The following KAZN variants were observed in gnomAD, a reference collection of about 807,000 sequenced individuals.
KAZN encodes the protein kazrin, periplakin interacting protein, also known as kazrin.
KAZN carries 40 observed loss-of-function variants against 87.4 expected under a neutral mutation model. That is an observed-to-expected ratio of 0.46 (90% CI 0.36 to 0.60). KAZN has a LOEUF of 0.60. Ranked by LOEUF, KAZN falls within the 20% of genes least tolerant of loss-of-function variation. KAZN has a pLI of 0.00. For missense variants in KAZN, 898 were observed against 1,073.9 expected (o/e 0.84, Z 2.29); for synonymous variants, 466 against 458.3 (o/e 1.02, Z -0.22).
intron 1 of KAZN, among the ~76,000 whole-genome samples, chr1:14,821,661 G>A (rs1164273105): frequency 6.6e-6 from 1 of 152,158 alleles, no homozygotes; most frequent in Admixed American, 6.5e-5. Context: ...GGAGAAGACA[G>A]CCGTCTACAA....
chr1:14,548,343 C>T (rs1004712984), intron 2 of KAZN, among the ~76,000 whole-genome samples: 2 of 151,824 alleles, frequency 1.3e-5, no homozygotes, highest in Non-Finnish European at 2.9e-5. Flanking sequence ...GGACTACAGG[C>T]GCCCACCACC....
At chr1:14,974,920 G>T (rs1665444215) in intron 2 of KAZN, among the ~76,000 whole-genome samples, 1 of 152,240 alleles carries the variant, frequency 6.6e-6, no homozygotes, top group Admixed American at 6.5e-5. Context: ...AATATGTACA[G>T]TTCATTGTAT....
chr1:15,041,331 CTTTTTTT>C (rs71000360), intron 3 of KAZN, among the ~76,000 whole-genome samples: 1 of 114,136 alleles, frequency 8.8e-6, no homozygotes, highest in African/African-American at 3.5e-5. Flanking sequence ...CATTTTTTTT[CTTTTTTT>C]TTTTTTTTGT....
intron 1 of KAZN, among the ~76,000 whole-genome samples, chr1:14,015,447 G>A: frequency 1.0e-5 from 1 of 98,202 alleles, no homozygotes; most frequent in East Asian, 3.8e-4. Flanking sequence ...AAAGACAAGT[G>A]TGTTACATCT....
intron 1 of KAZN, among the ~76,000 whole-genome samples, chr1:14,924,867 G>T (rs1658997493): frequency 6.6e-6 from 1 of 152,132 alleles, no homozygotes; most frequent in South Asian, 2.1e-4. Context: ...GCTGGACCCC[G>T]CGTCTGCTGG....
At chr1:14,548,035 TAAA>T (rs35205953) in intron 2 of KAZN, among the ~76,000 whole-genome samples, 3 of 124,332 alleles carry the variant, frequency 2.4e-5, no homozygotes, top group Admixed American at 1.7e-4. Context: ...GGTGATGAGC[TAAA>T]AAAAAAAAAA....
At chr1:14,175,265 G>T (rs886442421) in intron 1 of KAZN, among the ~76,000 whole-genome samples, 6 of 152,158 alleles carry the variant, frequency 3.9e-5, no homozygotes, top group Non-Finnish European at 8.8e-5. Flanking sequence ...CACTACGCCT[G>T]GCTGATTTTT....
chr1:13,975,367 G>A (rs72640512), intron 1 of KAZN, among the ~76,000 whole-genome samples: 24,056 of 152,234 alleles, frequency 0.16, 2,750 homozygotes, highest in Admixed American at 0.38. Context: ...TATTCTAAGA[G>A]TATCTTTGAG....
chr1:14,120,870 T>C (rs1313718772), intron 1 of KAZN, among the ~76,000 whole-genome samples: 1 of 152,202 alleles, frequency 6.6e-6, no homozygotes, highest in Admixed American at 6.5e-5. Flanking sequence ...CAGAGCATCA[T>C]ATTTTTTTAC....
chr1:14,976,009 G>A (rs1013918486), intron 2 of KAZN, among the ~76,000 whole-genome samples: 1 of 146,474 alleles, frequency 6.8e-6, no homozygotes, highest in African/African-American at 2.5e-5. Context: ...TCCAGCCTGG[G>A]CGACTGAGCG....
intron 2 of KAZN, among the ~76,000 whole-genome samples, chr1:14,487,314 T>C (rs778470066): frequency 1.9e-4 from 29 of 152,230 alleles, no homozygotes; most frequent in Non-Finnish European, 2.9e-4. Context: ...ATGGACAATA[T>C]GTAAGCATAC....
chr1:14,214,318 T>C (rs1305401979), intron 2 of KAZN, among the ~76,000 whole-genome samples: 1 of 152,170 alleles, frequency 6.6e-6, no homozygotes, highest in Non-Finnish European at 1.5e-5. Context: ...CTTTCCAAAC[T>C]CAAGGCAAGA....
intron 1 of KAZN, among the ~76,000 whole-genome samples, chr1:14,876,153 C>T (rs1051471453): frequency 6.6e-6 from 1 of 152,262 alleles, no homozygotes; most frequent in South Asian, 2.1e-4. Flanking sequence ...AGAGGCTTGC[C>T]GCGGAGGTGA....
At chr1:14,205,968 A>C (rs189826429) in intron 2 of KAZN, among the ~76,000 whole-genome samples, 112 of 149,532 alleles carry the variant, frequency 7.5e-4, no homozygotes, top group African/African-American at 2.5e-3. Context: ...GCATGTATAC[A>C]TATGTAAGAA....
intron 2 of KAZN, among the ~76,000 whole-genome samples, chr1:14,309,949 T>C (rs1655173040): frequency 6.6e-6 from 1 of 151,972 alleles, no homozygotes; most frequent in African/African-American, 2.4e-5. Flanking sequence ...AAAGCAGCTG[T>C]TGTTCTTTAG....
rs890250897 is a variant in KAZN at position 14,773,433 on chromosome 1, G to C, written c.226+174210G>C. Among the ~76,000 whole-genome samples the C allele has an allele frequency of 2.6e-5, 4 of 152,090 alleles. No homozygotes were observed. Among genetic ancestry groups the C allele is most frequent in the African/African-American group, 9.7e-5 (4 of 41,414 alleles). The stretch of plus-strand genomic sequence containing the variant: ...CCCTTCTTGTAGCATTTTCAACTCT[G>C]CCTCAAATCAACTCTGCACTAAGGT... On this transcript the variant is annotated intron_variant, in intron 1 of 14. Coordinates refer to ENST00000376030, the MANE Select transcript of KAZN (RefSeq NM_201628.3). This position sits in a 1 kb window ranked among gnomAD's most constrained non-coding sequence, Gnocchi z 5.9.
rs114193650 is a variant in KAZN at position 14,418,994 on chromosome 1, T to C, written c.250-179989T>C. Among the ~76,000 whole-genome samples, 423 of 152,334 alleles carry C rather than the reference T, an allele frequency of 2.8e-3. 1 individual carries two copies. The highest frequency in any genetic ancestry group is 9.9e-3 in the African/African-American group (411 of 41,570). On this transcript the variant is annotated intron_variant, in intron 2 of 16. Transcript: ENST00000636203. ...TTGTCTGAAAACTTCTAGCCTGCCA[T>C]TCGGATACAACTGTCAACGAGTGTT...
intron 2 of KAZN, among the ~76,000 whole-genome samples, chr1:14,525,463 A>T (rs1203943683): frequency 6.6e-6 from 1 of 152,274 alleles, no homozygotes; most frequent in East Asian, 1.9e-4. Context: ...ACAAATGAGC[A>T]TGCTTGTGTT....
chr1:14,277,494 T>G (rs1044872951), intron 2 of KAZN, among the ~76,000 whole-genome samples: 1 of 151,878 alleles, frequency 6.6e-6, no homozygotes, highest in Non-Finnish European at 1.5e-5. Context: ...TGAAACTGCA[T>G]CTCTACTAAA....
Sources: gnomAD v4.1 joint callset for allele counts (sites outside exome capture counted in the v4.1 genomes callset) on GRCh38, gnomAD v4.1.1 for gene constraint, Gnocchi (gnomAD v3.1) non-coding constraint, MANE v1.5 for transcripts, NCBI Gene and HGNC (gene_info 2026-07-23, HGNC 2026-07-21) for gene names.